ACTR1A: variants seen among roughly 807,000 people sequenced by gnomAD.
The protein encoded by ACTR1A is actin related protein 1A.
A neutral mutation model predicts 50.7 loss-of-function variants in ACTR1A; 10 were observed. The ratio of observed to expected loss-of-function variants is 0.20; its 90% CI spans 0.12 to 0.33. The LOEUF (loss-of-function observed/expected upper bound fraction) is 0.33, where lower values mean the gene tolerates loss of function less well. Among genes scored for constraint, ACTR1A ranks in the 10% least tolerant of loss-of-function variants. ACTR1A has a pLI of 1.00. For missense variants in ACTR1A, 253 were observed against 491.7 expected (o/e 0.51, Z 4.59); for synonymous variants, 177 against 184.2 (o/e 0.96, Z 0.32).
chr10:102,490,599 A>T lies in ACTR1A; in HGVS notation c.63T>A (p.Ile21=). The T allele has an allele frequency of 1.9e-6, 3 of 1,613,448 alleles. No homozygotes were observed. Among genetic ancestry groups the T allele is most frequent in the East Asian group, 4.5e-5 (2 of 44,886 alleles). Residue 21 remains isoleucine (I), a synonymous_variant, in exon 2 of 11, where the codon ATT becomes ATA. Coordinates refer to ENST00000369905, the MANE Select transcript of ACTR1A (RefSeq NM_005736.4). ...PVVIDNGSGV[I]KAGFAGDQIP... ...TCTGATCACCAGCAAAACCAGCTTT[A>T]ATCACACCGGATCCCTGAGGAAAGA...
At chr10:102,497,751 C>T (rs2062229289) in intron 1 of ACTR1A, among the ~76,000 whole-genome samples, 1 of 151,582 alleles carries the variant, frequency 6.6e-6, no homozygotes, top group South Asian at 2.1e-4. Flanking sequence ...AAAAGGAGGA[C>T]AATTTTATGA....
chr10:102,481,804 T>TTCCACCCAGGCCAGGCCCCACCATGC, intron 9 of ACTR1A, 33 bp downstream of exon 9: 1 of 1,610,282 alleles, frequency 6.2e-7, no homozygotes, highest in African/African-American at 1.3e-5. Context: ...GGAAGCCTAG[T>TTCCACCCAGGCCAGGCCCCACCATGC]TCCACCCAGG....
chr10:102,484,119 C>T (rs2062155631), intron 6 of ACTR1A, 41 bp downstream of exon 6: 3 of 1,601,810 alleles, frequency 1.9e-6, no homozygotes, highest in South Asian at 2.2e-5. Context: ...GCTATGCTCC[C>T]AACCCCCACT....
intron 1 of ACTR1A, among the ~76,000 whole-genome samples, chr10:102,493,512 T>C (rs1183824699): frequency 2.0e-5 from 3 of 152,220 alleles, no homozygotes; most frequent in South Asian, 2.1e-4. Flanking sequence ...GTCAGATTTG[T>C]TTTTTCTTCT....
rs899681087 is a variant in ACTR1A, at chr10:102,488,395, AC to A, written c.190-121del. On this transcript the variant is annotated intron_variant, in intron 3 of 10. Coordinates refer to ENST00000369905, the MANE Select transcript of ACTR1A (RefSeq NM_005736.4). The surrounding 1 kb of genome is among the most constrained non-coding windows in gnomAD (Gnocchi z 4.4). ...AGAAGCCTCAGCTTCCTGAGCTTCC[AC>A]CCTGCTGTCCTTGCCCAGGGCTAAG... 4 of 1,422,410 alleles carry A rather than the reference AC, an allele frequency of 2.8e-6. No individual in the cohort carries two copies. Among genetic ancestry groups the A allele is most frequent in the African/African-American group, 2.8e-5 (2 of 71,104 alleles). 88.1% of individuals were successfully genotyped at this position (1,422,410 alleles called of 1,614,324 possible).
At chr10:102,486,067 C>T (rs917100250) in intron 4 of ACTR1A, among the ~76,000 whole-genome samples, 6 of 152,146 alleles carry the variant, frequency 3.9e-5, no homozygotes, top group African/African-American at 1.4e-4. Flanking sequence ...CTGCCGCAGA[C>T]CAGTTCTAGT....
chr10:102,488,022 A>G lies in ACTR1A; in HGVS notation c.315+128T>C. The G allele has an allele frequency of 9.5e-7, 1 of 1,055,944 alleles. No homozygotes were observed. Among genetic ancestry groups the G allele is most frequent in the Non-Finnish European group, 1.4e-6 (1 of 726,210 alleles). The allele number at this position is 1,055,944 out of a possible 1,614,324, so 65.4% of individuals were successfully genotyped here. On this transcript the variant is annotated intron_variant, in intron 4 of 10. Transcript: ENST00000369905. The surrounding 1 kb of genome is among the most constrained non-coding windows in gnomAD (Gnocchi z 4.4). ...GGAATGGTGTTAAGATTAAATCTGAATATGCCTGAAAATCAAATGGCTCCA... is the reference window on the plus strand; with the variant it reads ...GGAATGGTGTTAAGATTAAATCTGAGTATGCCTGAAAATCAAATGGCTCCA...
At chr10:102,502,192 T>G (rs1179286452) in intron 1 of ACTR1A, among the ~76,000 whole-genome samples, 1 of 152,134 alleles carries the variant, frequency 6.6e-6, no homozygotes, top group East Asian at 1.9e-4. Context: ...GGCAGGGGCG[T>G]GAGCCAATCA....
intron 5 of ACTR1A, among the ~76,000 whole-genome samples, chr10:102,485,224 G>A (rs1385867322): frequency 6.6e-6 from 1 of 152,180 alleles, no homozygotes; most frequent in African/African-American, 2.4e-5. Context: ...GTGGCATTCG[G>A]ATCATGGTTG....
chr10:102,489,795 C>A (rs2062183652), intron 2 of ACTR1A, among the ~76,000 whole-genome samples: 1 of 152,140 alleles, frequency 6.6e-6, no homozygotes, highest in African/African-American at 2.4e-5. Context: ...GCCTGGGCTA[C>A]AGAATGAGAC....
chr10:102,480,864 T>C lies in ACTR1A; in HGVS notation c.1130A>G (p.Ter377=), dbSNP rs1564647234. 6.2e-7 allele frequency: 1 copy of C among 1,610,552 alleles called. No homozygotes were observed. The highest frequency in any genetic ancestry group is 8.5e-7 in the Non-Finnish European group (1 of 1,176,852). Residue 377 remains the stop codon, a stop_retained_variant, in exon 11 of 11, where the codon TAA becomes TGA. Coordinates refer to ENST00000369905, the MANE Select transcript of ACTR1A (RefSeq NM_005736.4). ...GARSIHRKTF[*] ...AGAGGTGAAGATGATGTCCCGACATTAGAAGGTTTTTCTGTGGATGGATCG... is the reference window on the plus strand; with the variant it reads ...AGAGGTGAAGATGATGTCCCGACATCAGAAGGTTTTTCTGTGGATGGATCG...
rs2062146680 is a variant in ACTR1A at position 102,482,223 on chromosome 10, C to G, written c.751-48G>C. The G allele has an allele frequency of 6.3e-7, 1 of 1,590,236 alleles. No individual in the cohort carries two copies. ...AAGAGGTCGGAGCTGGGACCAAGGTCCCTTTGGGAGTGGGAATGGAAGACG... is the reference window on the plus strand; with the variant it reads ...AAGAGGTCGGAGCTGGGACCAAGGTGCCTTTGGGAGTGGGAATGGAAGACG... On this transcript the variant is annotated intron_variant, in intron 7 of 10. Coordinates refer to ENST00000369905, the MANE Select transcript of ACTR1A (RefSeq NM_005736.4). This position sits in a 1 kb window ranked among gnomAD's most constrained non-coding sequence, Gnocchi z 5.6.
At chr10:102,484,471 A>G in intron 5 of ACTR1A, 95 bp from the exon 6 acceptor site, 1 of 1,101,936 alleles carries the variant, frequency 9.1e-7, no homozygotes, top group Non-Finnish European at 1.3e-6. Context: ...GCTAAACTAA[A>G]GCTTGGGCCT....
chr10:102,489,526 A>C (rs2065936360), intron 2 of ACTR1A, among the ~76,000 whole-genome samples: 1 of 152,220 alleles, frequency 6.6e-6, no homozygotes. Flanking sequence ...AGTAAAACTG[A>C]TGCTGGGCTG....
At chr10:102,496,016 G>A (rs1227261711) in intron 1 of ACTR1A, among the ~76,000 whole-genome samples, 1 of 151,812 alleles carries the variant, frequency 6.6e-6, no homozygotes, top group African/African-American at 2.4e-5. Flanking sequence ...CGAGATCTCG[G>A]CTCACTGCAA....
chr10:102,501,703 A>C (rs1365687058), intron 1 of ACTR1A, among the ~76,000 whole-genome samples: 1 of 152,198 alleles, frequency 6.6e-6, no homozygotes, highest in Non-Finnish European at 1.5e-5. Context: ...TTCGCGCTTC[A>C]GTTTTCTCAT....
In ACTR1A at chr10:102,481,142, T is replaced by G; in HGVS notation, c.1018A>C (p.Thr340Pro). The change falls in exon 10 of 11, where the codon ACG becomes CCG. Residue 340 changes from threonine (T) to proline (P), a missense_variant. Thr to Pro is a conservative substitution (Grantham distance 38). This residue lies in a region of ACTR1A where 27 missense variants were observed against 80.7 expected (regional missense o/e 0.33). Transcript: ENST00000369905. The part of the protein sequence containing the change: ...ISAPQERLYS[T>P]WIGGSILASL... ...GGAAGAGCTACTCACCCAATCCACGTGGAATACAGTCTCTCCTGAGGTGCA... is the reference window on the plus strand; with the variant it reads ...GGAAGAGCTACTCACCCAATCCACGGGGAATACAGTCTCTCCTGAGGTGCA... The G allele has an allele frequency of 6.2e-7, 1 of 1,608,032 alleles. No individual in the cohort carries two copies. Among genetic ancestry groups the G allele is most frequent in the Non-Finnish European group, 8.5e-7 (1 of 1,176,670 alleles).
intron 5 of ACTR1A, 38 bp from the exon 6 acceptor site, chr10:102,484,414 C>A (rs1325667196): frequency 1.3e-6 from 2 of 1,533,764 alleles, no homozygotes; most frequent in Admixed American, 3.4e-5. Context: ...AGCACTGCCT[C>A]CTCACGCTGG....
At chr10:102,500,205 G>C (rs1189648838) in intron 1 of ACTR1A, among the ~76,000 whole-genome samples, 4 of 151,936 alleles carry the variant, frequency 2.6e-5, no homozygotes, top group African/African-American at 9.7e-5. Flanking sequence ...AGGCCAAGGC[G>C]GGTGGATCAT....
Sources: allele counts gnomAD v4.1 joint callset (sites outside exome capture counted in the v4.1 genomes callset), GRCh38; gene constraint gnomAD v4.1.1; regional missense constraint gnomAD v4.1.1; non-coding constraint Gnocchi (gnomAD v3.1); transcripts MANE v1.5; gene names NCBI Gene and HGNC (gene_info 2026-07-23, HGNC 2026-07-21).